Variants in GREM2 observed in about 807,000 individuals in gnomAD.
GREM2 encodes gremlin 2, DAN family BMP antagonist, also known as gremlin-2.
A neutral mutation model predicts 14.2 loss-of-function variants in GREM2; 11 were observed. That is an observed-to-expected ratio of 0.78 (90% CI 0.49 to 1.28). The LOEUF (loss-of-function observed/expected upper bound fraction) is 1.28. Among genes scored for constraint, GREM2 ranks in the 50% most tolerant of loss-of-function variants. GREM2 has a pLI of 0.00. For missense variants in GREM2, 210 were observed against 218.5 expected, an observed-to-expected ratio of 0.96 and a Z score of 0.24; for synonymous variants, 98 against 97.6, an observed-to-expected ratio of 1.00 and a Z score of -0.02.
chr1:240,497,762 A>G (rs561271379), intron 1 of GREM2, among the ~76,000 whole-genome samples: 1 of 152,018 alleles, frequency 6.6e-6, no homozygotes, highest in African/African-American at 2.4e-5. Flanking sequence ...GAAATGTCAT[A>G]TGAAAATGGC....
rs1170669448 is a variant in GREM2 at position 240,543,683 on chromosome 1, T to C, written c.-1-50207A>G. On this transcript the variant is annotated intron_variant, in intron 1 of 1. Coordinates refer to ENST00000318160, the MANE Select transcript of GREM2 (RefSeq NM_022469.4). The surrounding 1 kb of genome is among the most constrained non-coding windows in gnomAD (Gnocchi z 6.4). ...AAAGCATACCTTTTAAAAAAATTGA[T>C]GTAAACACAAAATATATCATCAAGG... is the stretch of plus-strand genomic sequence containing the variant. Among the ~76,000 whole-genome samples, 1 of 152,184 alleles carries C rather than the reference T, an allele frequency of 6.6e-6. No homozygotes were observed. Among genetic ancestry groups the C allele is most frequent in the African/African-American group, 2.4e-5 (1 of 41,456 alleles).
At chr1:240,522,730 C>G (rs375584238) in intron 1 of GREM2, among the ~76,000 whole-genome samples, 29 of 152,302 alleles carry the variant, frequency 1.9e-4, no homozygotes, top group Admixed American at 5.2e-4. Flanking sequence ...ATTGCAACTT[C>G]GTGCTCCTGT....
chr1:240,599,680 G>T (rs779624938), intron 1 of GREM2, among the ~76,000 whole-genome samples: 5 of 152,294 alleles, frequency 3.3e-5, no homozygotes, highest in Non-Finnish European at 5.9e-5. Flanking sequence ...AAGAAGAGAA[G>T]AAGAGTCATA....
chr1:240,609,113 C>T (rs529404135), intron 1 of GREM2, among the ~76,000 whole-genome samples: 1 of 152,216 alleles, frequency 6.6e-6, no homozygotes, highest in East Asian at 1.9e-4. Context: ...GAAATACATT[C>T]ATTTTCATTT....
At chr1:240,608,860 C>T (rs10495473) in intron 1 of GREM2, among the ~76,000 whole-genome samples, 32,270 of 151,974 alleles carry the variant, frequency 0.21, 4,214 homozygotes, top group Middle Eastern at 0.32. Context: ...AGCCATTTGG[C>T]GACCGGAGTC....
At position 240,540,938 on chromosome 1, in the gene GREM2, T is replaced by C. The variant is rs990244490; in HGVS notation, c.-1-47462A>G. ...CAATCAGTTTGTCGCCTTCCAGCAT[T>C]CTGGACCAGAAGTCTCCTGTGTTTG... On this transcript the variant is annotated intron_variant, in intron 1 of 1. Transcript: ENST00000318160. The surrounding 1 kb of genome is among the most constrained non-coding windows in gnomAD (Gnocchi z 4.2). 6.6e-6 allele frequency among the ~76,000 whole-genome samples: 1 copy of C among 152,148 alleles called. No individual in the cohort carries two copies. The highest frequency in any genetic ancestry group is 2.4e-5 in the African/African-American group (1 of 41,440).
At chr1:240,583,118 T>G (rs538007007) in intron 1 of GREM2, among the ~76,000 whole-genome samples, 1 of 152,352 alleles carries the variant, frequency 6.6e-6, no homozygotes, top group East Asian at 1.9e-4. Context: ...TGTATCTGTC[T>G]GCACAGTGCC....
rs1042853874 is a variant in GREM2 at position 240,542,681 on chromosome 1, G to C, written c.-1-49205C>G. On this transcript the variant is annotated intron_variant, in intron 1 of 1. Coordinates refer to ENST00000318160, the MANE Select transcript of GREM2 (RefSeq NM_022469.4). The surrounding 1 kb of genome is among the most constrained non-coding windows in gnomAD (Gnocchi z 4.1). ...CTGATATATTTTTCTCAGAAGGCTT[G>C]ATCACACTTTGGATTTTTTTTTCAC... 1.3e-5 allele frequency among the ~76,000 whole-genome samples: 2 copies of C among 151,970 alleles called. No homozygotes were observed. The highest frequency in any genetic ancestry group is 2.9e-5 in the Non-Finnish European group (2 of 67,978).
intron 1 of GREM2, among the ~76,000 whole-genome samples, chr1:240,541,257 T>A (rs1678580335): frequency 6.6e-6 from 1 of 152,100 alleles, no homozygotes; most frequent in Non-Finnish European, 1.5e-5. Context: ...GGTCCATGGA[T>A]TGACCCAGTG....
chr1:240,502,406 T>G (rs918805449), intron 1 of GREM2, among the ~76,000 whole-genome samples: 3 of 152,198 alleles, frequency 2.0e-5, no homozygotes, highest in Admixed American at 6.5e-5. Flanking sequence ...TTCCAGTATC[T>G]TTTCGTGATT....
Position 240,493,381 on chromosome 1 carries a change from G to C in GREM2, c.95C>G (p.Ser32Trp), listed in dbSNP as rs756394325. The change falls in exon 2 of 2, where the codon TCG (serine) becomes TGG (tryptophan). Residue 32 changes from serine (S) to tryptophan (W), a missense_variant. By Grantham distance (177) the Ser-to-Trp change is radical. Coordinates refer to ENST00000318160, the MANE Select transcript of GREM2 (RefSeq NM_022469.4). ...GTTGCTGCTGCCGTCCTTGTAAGGC[G>C]AGGGGATGGCGCCCGCCGGCCGGTT... The part of the protein sequence containing the change: ...RKNRPAGAIP[S>W]PYKDGSSNNS... 1.2e-6 allele frequency: 2 copies of C among 1,613,626 alleles called. No individual in the cohort carries two copies. The highest frequency in any genetic ancestry group is 1.1e-5 in the South Asian group (1 of 91,054).
In GREM2 at chr1:240,540,617, C is replaced by T. The variant is rs987782465; in HGVS notation, c.-1-47141G>A. 2.0e-5 allele frequency among the ~76,000 whole-genome samples: 3 copies of T among 150,928 alleles called. No individual in the cohort carries two copies. Among genetic ancestry groups the T allele is most frequent in the Admixed American group, 2.0e-4 (3 of 15,128 alleles). ...CTCACTCTGTCGCCAGTTTGGAGTG[C>T]AGTGGCACGATGTAGACTTACAGCA... On this transcript the variant is annotated intron_variant, in intron 1 of 1. Transcript: ENST00000318160. The surrounding 1 kb of genome is among the most constrained non-coding windows in gnomAD (Gnocchi z 4.2).
In GREM2 at chr1:240,562,943, TG is replaced by T. The variant is rs1558164038; in HGVS notation, c.-2+48940del. Among the ~76,000 whole-genome samples, 30 of 146,246 alleles carry T rather than the reference TG, an allele frequency of 2.1e-4. 1 individual carries two copies. The highest frequency in any genetic ancestry group is 8.0e-4 in the African/African-American group (30 of 37,670). On this transcript the variant is annotated intron_variant, in intron 1 of 1. Coordinates refer to ENST00000318160, the MANE Select transcript of GREM2 (RefSeq NM_022469.4). ...GTGTATGTGTATGTGTGTGAGTGTG[TG>T]AGTGTGTATGTGTGTGAGTGTGTGT...
At chr1:240,595,584 G>T (rs1025993659) in intron 1 of GREM2, among the ~76,000 whole-genome samples, 4 of 152,100 alleles carry the variant, frequency 2.6e-5, no homozygotes, top group Non-Finnish European at 4.4e-5. Flanking sequence ...ATTTCAGGGG[G>T]AAGAAAAGTC....
chr1:240,594,376 T>C (rs1225312731), intron 1 of GREM2, among the ~76,000 whole-genome samples: 2 of 152,164 alleles, frequency 1.3e-5, no homozygotes, highest in Non-Finnish European at 2.9e-5. Flanking sequence ...CTGCATGGAA[T>C]TGATAAAAGG....
chr1:240,595,224 T>C (rs572367101), intron 1 of GREM2, among the ~76,000 whole-genome samples: 9 of 152,250 alleles, frequency 5.9e-5, no homozygotes, highest in South Asian at 4.1e-4. Flanking sequence ...CCCAGCTATT[T>C]GGGAGGCTGA....
chr1:240,509,978 G>T (rs1305200043), intron 1 of GREM2, among the ~76,000 whole-genome samples: 4 of 152,180 alleles, frequency 2.6e-5, no homozygotes, highest in Non-Finnish European at 5.9e-5. Flanking sequence ...GCCTTCCTGG[G>T]CTACTGTAGA....
rs565369351 is a variant in GREM2, at chr1:240,540,762, C to T, written c.-1-47286G>A. Among the ~76,000 whole-genome samples the T allele has an allele frequency of 6.6e-6, 1 of 152,144 alleles. No homozygotes were observed. The highest frequency in any genetic ancestry group is 2.4e-5 in the African/African-American group (1 of 41,520). Reference sequence around the variant, plus strand: ...ATTTTTAGTAGAGACAGGGTTTCACCATGTTGACCAGGGTGGTCTTGATCT... The same window carrying T: ...ATTTTTAGTAGAGACAGGGTTTCACTATGTTGACCAGGGTGGTCTTGATCT... On this transcript the variant is annotated intron_variant, in intron 1 of 1. Coordinates refer to ENST00000318160, the MANE Select transcript of GREM2 (RefSeq NM_022469.4). The surrounding 1 kb of genome is among the most constrained non-coding windows in gnomAD (Gnocchi z 4.2).
At chr1:240,569,985 G>T (rs1309500917) in intron 1 of GREM2, among the ~76,000 whole-genome samples, 1 of 152,114 alleles carries the variant, frequency 6.6e-6, no homozygotes, top group Non-Finnish European at 1.5e-5. Context: ...CCTCCTGCTG[G>T]ATTTTTGGCA....
Sources: allele counts gnomAD v4.1 joint callset (sites outside exome capture counted in the v4.1 genomes callset), GRCh38; gene constraint gnomAD v4.1.1; non-coding constraint Gnocchi (gnomAD v3.1); transcripts MANE v1.5; gene names NCBI Gene and HGNC (gene_info 2026-07-23, HGNC 2026-07-21).